Variants in CPA6 observed in about 807,000 individuals in gnomAD.
CPA6 encodes carboxypeptidase B.
CPA6 carries 58 observed loss-of-function variants against 63.3 expected under a neutral mutation model. The ratio of observed to expected loss-of-function variants is 0.92; its 90% CI spans 0.74 to 1.14. CPA6 has a LOEUF of 1.14. Among genes scored for constraint, CPA6 ranks in the 50% most tolerant of loss-of-function variants. The pLI, the probability that CPA6 is intolerant of heterozygous loss-of-function variation, is 0.00. For missense variants in CPA6, 565 were observed against 526.6 expected, an observed-to-expected ratio of 1.07 and a Z score of -0.71; for synonymous variants, 185 against 179.0, an observed-to-expected ratio of 1.03 and a Z score of -0.27.
Position 67,525,724 on chromosome 8 carries a change from A to G in CPA6, c.193-7677T>C, listed in dbSNP as rs571189249. Among the ~76,000 whole-genome samples the G allele has an allele frequency of 2.0e-5, 3 of 152,362 alleles. No homozygotes were observed. The East Asian group carries it at 5.8e-4, about 29-fold the overall frequency. On this transcript the variant is annotated intron_variant, in intron 2 of 10. Transcript: ENST00000297770. ...CCTGAAATGATTGTTGAGGCCCATC[A>G]ATCAAAGACTGTCAAGACAGGTCAT...
At chr8:67,582,638 T>A (rs1813805844) in intron 2 of CPA6, among the ~76,000 whole-genome samples, 1 of 152,208 alleles carries the variant, frequency 6.6e-6, no homozygotes, top group Non-Finnish European at 1.5e-5. Context: ...TTAGATGGTG[T>A]GGGAAGATCG....
At chr8:67,672,467 A>G (rs1194767771) in intron 1 of CPA6, among the ~76,000 whole-genome samples, 1 of 152,114 alleles carries the variant, frequency 6.6e-6, no homozygotes, top group Non-Finnish European at 1.5e-5. Context: ...TCAAGCCAGT[A>G]ACCTACAAGT....
Position 67,559,316 on chromosome 8 carries a change from T to C in CPA6, c.193-41269A>G, listed in dbSNP as rs140332662. ...CCAGGGATAGATTAACCAGGTCTTA[T>C]ACTTCTACCAATGAAAGCATTAATT... On this transcript the variant is annotated intron_variant, in intron 2 of 10. Coordinates refer to ENST00000297770, the MANE Select transcript of CPA6 (RefSeq NM_020361.5). 3.3e-5 allele frequency among the ~76,000 whole-genome samples: 5 copies of C among 152,292 alleles called. No individual in the cohort carries two copies. In the East Asian group the frequency reaches 9.6e-4, roughly 29 times the overall value.
chr8:67,486,305 G>A (rs1811475085), intron 6 of CPA6, among the ~76,000 whole-genome samples: 1 of 152,198 alleles, frequency 6.6e-6, no homozygotes, highest in Admixed American at 6.5e-5. Context: ...TGCCACTGTG[G>A]TTCCACAAGA....
chr8:67,709,459 C>T (rs1019655293), intron 1 of CPA6, among the ~76,000 whole-genome samples: 3 of 152,210 alleles, frequency 2.0e-5, no homozygotes, highest in Non-Finnish European at 2.9e-5. Context: ...AATCAAGTTG[C>T]TGCATACTCA....
intron 3 of CPA6, 107 bp downstream of exon 3, chr8:67,517,816 G>T: frequency 8.4e-7 from 1 of 1,183,686 alleles, no homozygotes; most frequent in Non-Finnish European, 1.2e-6. Context: ...ATGAAAAATT[G>T]TACCCAAAAC....
intron 6 of CPA6, among the ~76,000 whole-genome samples, chr8:67,497,579 T>C (rs945147498): frequency 6.6e-6 from 1 of 152,148 alleles, no homozygotes; most frequent in Non-Finnish European, 1.5e-5. Context: ...TGCTTTCAGT[T>C]CTCTTGGGTA....
At chr8:67,589,441 T>C (rs1253076863) in intron 2 of CPA6, among the ~76,000 whole-genome samples, 1 of 152,224 alleles carries the variant, frequency 6.6e-6, no homozygotes, top group East Asian at 1.9e-4. Context: ...GCAAAATGTT[T>C]GTTTACAGGA....
intron 1 of CPA6, among the ~76,000 whole-genome samples, chr8:67,632,028 G>A (rs1203993178): frequency 1.3e-5 from 2 of 152,174 alleles, no homozygotes; most frequent in African/African-American, 2.4e-5. Flanking sequence ...CATTCTTGAA[G>A]TCAGTGAGAC....
chr8:67,526,355 T>C (rs916123392), intron 2 of CPA6, among the ~76,000 whole-genome samples: 1 of 152,216 alleles, frequency 6.6e-6, no homozygotes, highest in African/African-American at 2.4e-5. Context: ...TTTTCTGAAA[T>C]AGACATGTTT....
intron 8 of CPA6, among the ~76,000 whole-genome samples, chr8:67,482,485 A>G (rs1811380648): frequency 6.6e-6 from 1 of 152,224 alleles, no homozygotes; most frequent in East Asian, 1.9e-4. Context: ...TATTTATACA[A>G]TGGTGTTTTT....
intron 8 of CPA6, among the ~76,000 whole-genome samples, chr8:67,438,042 G>A (rs1022990343): frequency 1.3e-5 from 2 of 152,068 alleles, no homozygotes; most frequent in South Asian, 4.2e-4. Flanking sequence ...TCAGCCTCCC[G>A]AGTACCTGAG....
At chr8:67,511,458 T>C (rs1812040542) in intron 4 of CPA6, 83 bp downstream of exon 4, 3 of 786,588 alleles carry the variant, frequency 3.8e-6, no homozygotes, top group African/African-American at 1.7e-5. Flanking sequence ...CCTAGAAGCA[T>C]AAAACACATA....
intron 8 of CPA6, among the ~76,000 whole-genome samples, chr8:67,468,351 A>C (rs1156812929): frequency 6.6e-6 from 1 of 151,662 alleles, no homozygotes; most frequent in East Asian, 2.0e-4. Context: ...GGGAGGCTGA[A>C]GTGGGCAGAT....
chr8:67,560,205 G>T (rs1178282160), intron 2 of CPA6, among the ~76,000 whole-genome samples: 1 of 138,312 alleles, frequency 7.2e-6, no homozygotes, highest in Non-Finnish European at 1.6e-5. Flanking sequence ...GCAGGGCTAT[G>T]GTTGCAAACC....
chr8:67,563,483 A>T (rs148780750), intron 2 of CPA6, among the ~76,000 whole-genome samples: 14 of 152,298 alleles, frequency 9.2e-5, no homozygotes, highest in African/African-American at 3.1e-4. Flanking sequence ...TGGACAGAAC[A>T]TGGGAAAGCA....
chr8:67,704,350 T>C (rs1817088205), intron 1 of CPA6, among the ~76,000 whole-genome samples: 1 of 152,204 alleles, frequency 6.6e-6, no homozygotes, highest in Non-Finnish European at 1.5e-5. Context: ...CTTGTAGCAG[T>C]TAGCTGAAAA....
intron 1 of CPA6, among the ~76,000 whole-genome samples, chr8:67,737,429 A>T (rs1306958217): frequency 1.3e-5 from 2 of 152,190 alleles, no homozygotes; most frequent in Non-Finnish European, 2.9e-5. Context: ...CATATTTAAT[A>T]AACCACTCAA....
At chr8:67,605,348 T>C (rs1814604922) in intron 2 of CPA6, among the ~76,000 whole-genome samples, 2 of 152,136 alleles carry the variant, frequency 1.3e-5, no homozygotes, top group Admixed American at 6.5e-5. Context: ...AGGGCCCCCA[T>C]GGATACCAAA....
Sources: gnomAD v4.1 joint callset for allele counts (sites outside exome capture counted in the v4.1 genomes callset) on GRCh38, gnomAD v4.1.1 for gene constraint, MANE v1.5 for transcripts, NCBI Gene and HGNC (gene_info 2026-07-23, HGNC 2026-07-21) for gene names.